The following POM121 variants were observed in gnomAD, a reference collection of about 807,000 sequenced individuals.
POM121 encodes the protein nuclear envelope pore membrane protein POM 121.
POM121 carries 32 observed loss-of-function variants against 81.3 expected under a neutral mutation model. The ratio of observed to expected loss-of-function variants is 0.39; its 90% CI spans 0.30 to 0.53. The LOEUF (loss-of-function observed/expected upper bound fraction) is 0.53, where lower values mean the gene tolerates loss of function less well. Among genes scored for constraint, POM121 ranks in the 20% least tolerant of loss-of-function variants. POM121 has a pLI of 0.66. For missense variants in POM121, 1,138 were observed against 1,614.6 expected (o/e 0.70, Z 5.06); for synonymous variants, 514 against 694.2 (o/e 0.74, Z 4.08).
chr7:72,942,184 A>T lies in POM121; in HGVS notation c.2191A>T (p.Ile731Phe). The T allele has an allele frequency of 6.2e-7, 1 of 1,609,504 alleles. No individual in the cohort carries two copies. The highest frequency in any genetic ancestry group is 1.1e-5 in the South Asian group (1 of 90,872). Residue 731 changes from isoleucine (I) to phenylalanine (F), a missense_variant, in exon 11 of 13, where the codon ATT becomes TTT. Physicochemically the swap from Ile to Phe is conservative, Grantham distance 21. Coordinates refer to ENST00000434423, the MANE Select transcript of POM121 (RefSeq NM_001387691.1). The part of the protein sequence containing the change: ...ASSAPPMFKP[I>F]FTAPPKSEKE... ...TTCAGCACCTCCCATGTTCAAGCCC[A>T]TTTTCACGGCTCCACCCAAGAGTGA...
exon 4 of POM121, chr7:72,913,766 C>T (rs1794030041): frequency 6.6e-6 from 1 of 152,226 alleles, no homozygotes; most frequent in Non-Finnish European, 1.5e-5. Context: ...TCCTTTTAGC[C>T]CTTCACATCC....
chr7:72,930,356 TTCTA>T (rs1464548490), intron 5 of POM121, among the ~76,000 whole-genome samples: 4 of 152,358 alleles, frequency 2.6e-5, no homozygotes, highest in East Asian at 1.9e-4. Flanking sequence ...ACTGATCACC[TTCTA>T]TCTGTCAGAC....
intron 3 of POM121, among the ~76,000 whole-genome samples, chr7:72,911,491 G>A (rs1793797620): frequency 6.6e-6 from 1 of 152,200 alleles, no homozygotes; most frequent in Non-Finnish European, 1.5e-5. Flanking sequence ...TGTTGATTGT[G>A]TCTCATGTCC....
upstream of POM121, chr7:72,925,051 C>A: frequency 1.5e-6 from 2 of 1,350,432 alleles, no homozygotes; most frequent in Non-Finnish European, 1.9e-6. Flanking sequence ...ACGTAGAGGG[C>A]GCGCGATGAC....
chr7:72,925,026 A>C, upstream of POM121: 1 of 1,331,686 alleles, frequency 7.5e-7, no homozygotes, highest in Non-Finnish European at 9.5e-7. Context: ...CGTCTCCCGG[A>C]GTCGCGCGCG....
chr7:72,907,059 GT>G (rs1432041091), intron 3 of POM121, among the ~76,000 whole-genome samples: 1 of 151,710 alleles, frequency 6.6e-6, no homozygotes, highest in Non-Finnish European at 1.5e-5. Flanking sequence ...TTTTATACCT[GT>G]TTGCCTTTTC....
rs1167078593 is a variant in POM121 at position 72,945,583 on chromosome 7, C to T, written c.3530-3C>T. On this transcript the variant is annotated splice_region_variant and splice_polypyrimidine_tract_variant and intron_variant, in intron 11 of 12. Coordinates refer to ENST00000434423, the MANE Select transcript of POM121 (RefSeq NM_001387691.1). ...GGCCAGCTCTCTGTTCTCTTCATTC[C>T]AGGCACCGCCACCCCCACCTTTGGT... 3.7e-6 allele frequency: 6 copies of T among 1,613,140 alleles called. No individual in the cohort carries two copies. The highest frequency in any genetic ancestry group is 4.2e-6 in the Non-Finnish European group (5 of 1,179,668).
chr7:72,895,677 T>A (rs1791872282), intron 3 of POM121, among the ~76,000 whole-genome samples: 2 of 152,024 alleles, frequency 1.3e-5, no homozygotes, highest in African/African-American at 4.8e-5. Flanking sequence ...CCCAGCACTG[T>A]GGGAGGTGGA....
chr7:72,907,790 C>T (rs1236771545), intron 3 of POM121, among the ~76,000 whole-genome samples: 5 of 152,198 alleles, frequency 3.3e-5, no homozygotes, highest in African/African-American at 7.2e-5. Flanking sequence ...ATATTACAGG[C>T]GTGAGCCACC....
At chr7:72,904,071 T>G (rs1455318404) in intron 3 of POM121, among the ~76,000 whole-genome samples, 6 of 152,224 alleles carry the variant, frequency 3.9e-5, no homozygotes, top group African/African-American at 1.2e-4. Flanking sequence ...CCCAAAGTGC[T>G]AGGATTACAG....
intron 4 of POM121, among the ~76,000 whole-genome samples, chr7:72,929,697 G>A (rs1399551091): frequency 6.6e-6 from 1 of 152,094 alleles, no homozygotes; most frequent in South Asian, 2.1e-4. Context: ...TCTGTCTTCT[G>A]TCACTGTAGA....
intron 2 of POM121, 100 bp downstream of exon 2, chr7:72,926,577 G>A (rs1284938620): frequency 7.1e-6 from 11 of 1,556,544 alleles, no homozygotes; most frequent in African/African-American, 6.8e-5. Context: ...AAGAAAGGAC[G>A]AAGCTGCTTA....
intron 1 of POM121, among the ~76,000 whole-genome samples, chr7:72,888,782 G>A (rs545998407): frequency 3.3e-5 from 5 of 152,060 alleles, no homozygotes; most frequent in African/African-American, 1.2e-4. Context: ...TGGCATATTA[G>A]GGTGTAATAT....
rs559675167 is a variant in POM121, at chr7:72,894,125, G to A, written c.-216+3015G>A. ...CGAAAAATACAAAAATTACCTGGGC[G>A]TGGTGACACGCGCCTGTAGTCCCAG... On this transcript the variant is annotated intron_variant, in intron 3 of 15. Transcript: ENST00000395270. Among the ~76,000 whole-genome samples, 13 of 152,194 alleles carry A rather than the reference G, an allele frequency of 8.5e-5. No individual in the cohort carries two copies. In the East Asian group the frequency reaches 2.5e-3, roughly 29 times the overall value.
chr7:72,884,771 AT>A (rs369599951), intron 1 of POM121, among the ~76,000 whole-genome samples: 12 of 113,792 alleles, frequency 1.1e-4, no homozygotes, highest in African/African-American at 3.2e-4. Context: ...ATATATATAT[AT>A]TTTTTTTCTG....
At chr7:72,948,931 A>G, downstream of POM121, 2 of 1,612,606 alleles carry the variant, frequency 1.2e-6, no homozygotes, top group Non-Finnish European at 1.7e-6. Flanking sequence ...ATCTTGTACC[A>G]TGTCTTCATT....
chr7:72,922,132 T>G (rs1794870797), upstream of POM121, among the ~76,000 whole-genome samples: 1 of 152,226 alleles, frequency 6.6e-6, no homozygotes. Flanking sequence ...ACTAGATTAC[T>G]AGTGAGGTTA....
At chr7:72,879,870 G>A in exon 1 of POM121, 2 of 513,578 alleles carry the variant, frequency 3.9e-6, no homozygotes, top group African/African-American at 1.9e-5. Flanking sequence ...GGCAGAGGCT[G>A]CAGAGCCCCA....
downstream of POM121, chr7:72,949,306 ATCT>A (rs781891956): frequency 3.7e-6 from 3 of 818,040 alleles, no homozygotes; most frequent in East Asian, 7.3e-5. Flanking sequence ...CCTTCTCACC[ATCT>A]CACCCGAGCC....
Sources: allele counts gnomAD v4.1 joint callset (sites outside exome capture counted in the v4.1 genomes callset), GRCh38; gene constraint gnomAD v4.1.1; transcripts MANE v1.5; gene names NCBI Gene and HGNC (gene_info 2026-07-23, HGNC 2026-07-21).